The following NELL1 variants were observed in gnomAD, a reference collection of about 807,000 sequenced individuals.
NELL1 encodes protein kinase C-binding protein NELL1.
NELL1 carries 76 observed loss-of-function variants against 107.4 expected under a neutral mutation model. The ratio of observed to expected loss-of-function variants is 0.71; its 90% CI spans 0.59 to 0.86. NELL1 has a LOEUF of 0.86. NELL1 is among the 40% of genes least tolerant of loss of function. The probability of loss-of-function intolerance (pLI) is 0.00; values close to 1 mark genes in which losing one functional copy is unlikely to be tolerated. For missense variants in NELL1, 1,024 were observed against 1,005.5 expected, an observed-to-expected ratio of 1.02 and a Z score of -0.25; for synonymous variants, 353 against 341.2, an observed-to-expected ratio of 1.03 and a Z score of -0.38.
chr11:21,542,953 AAGG>A (rs1425967254), intron 16 of NELL1, among the ~76,000 whole-genome samples: 1 of 152,054 alleles, frequency 6.6e-6, no homozygotes, highest in African/African-American at 2.4e-5. Flanking sequence ...TCTAATTTAA[AAGG>A]AGGTTTCATT....
At chr11:21,430,987 G>T (rs1014622577) in intron 15 of NELL1, among the ~76,000 whole-genome samples, 4 of 152,012 alleles carry the variant, frequency 2.6e-5, no homozygotes, top group Admixed American at 2.6e-4. Flanking sequence ...AATGATTAGG[G>T]GAAAACTGTA....
chr11:21,347,273 C>CT (rs1290723797), intron 14 of NELL1, among the ~76,000 whole-genome samples: 1 of 151,832 alleles, frequency 6.6e-6, no homozygotes, highest in African/African-American at 2.4e-5. Flanking sequence ...TGTAAAGGCC[C>CT]TAAAGTGGAA....
At chr11:20,744,607 C>A (rs1176143622) in intron 2 of NELL1, among the ~76,000 whole-genome samples, 8 of 152,154 alleles carry the variant, frequency 5.3e-5, no homozygotes, top group Admixed American at 5.2e-4. Flanking sequence ...TTCTGGAGCC[C>A]AGAATGATGG....
intron 14 of NELL1, among the ~76,000 whole-genome samples, chr11:21,247,627 C>A (rs530883851): frequency 6.6e-6 from 1 of 152,096 alleles, no homozygotes; most frequent in African/African-American, 2.4e-5. Context: ...GAAGGACCTA[C>A]GTGGGGTATT....
At chr11:21,209,785 A>G (rs1174978736) in intron 13 of NELL1, among the ~76,000 whole-genome samples, 1 of 152,156 alleles carries the variant, frequency 6.6e-6, no homozygotes, top group East Asian at 1.9e-4. Flanking sequence ...ACTAGAATAA[A>G]AAAAAGAAGC....
chr11:20,674,651 T>C, intron 1 of NELL1: 1 of 836,842 alleles, frequency 1.2e-6, no homozygotes, highest in Admixed American at 2.1e-5. Flanking sequence ...GGCACAGGGT[T>C]AGTAGAGGGA....
At chr11:20,899,299 A>T (rs1849820817) in intron 5 of NELL1, among the ~76,000 whole-genome samples, 2 of 152,174 alleles carry the variant, frequency 1.3e-5, no homozygotes, top group Admixed American at 1.3e-4. Context: ...CTCTGATGAC[A>T]GTGCAGTTAC....
chr11:21,566,489 C>G (rs540574345), intron 17 of NELL1, among the ~76,000 whole-genome samples: 9 of 151,722 alleles, frequency 5.9e-5, no homozygotes, highest in African/African-American at 2.2e-4. Flanking sequence ...TATTTCCCTG[C>G]TTTTTAAAAT....
intron 15 of NELL1, among the ~76,000 whole-genome samples, chr11:21,392,558 G>T (rs1225886496): frequency 6.6e-6 from 1 of 151,566 alleles, no homozygotes; most frequent in Admixed American, 6.6e-5. Flanking sequence ...GAAAAGTAGG[G>T]GTAAATATGA....
chr11:20,812,193 A>T (rs540847053), intron 3 of NELL1, among the ~76,000 whole-genome samples: 1 of 152,298 alleles, frequency 6.6e-6, no homozygotes, highest in African/African-American at 2.4e-5. Context: ...TATTGAGATG[A>T]TCATATTTTT....
At chr11:20,889,770 G>A (rs373784225) in intron 5 of NELL1, among the ~76,000 whole-genome samples, 4 of 152,264 alleles carry the variant, frequency 2.6e-5, no homozygotes, top group South Asian at 2.1e-4. Context: ...AGAGCCACAC[G>A]GGAAAGGGGA....
chr11:20,969,776 G>A (rs1242805186), intron 12 of NELL1, among the ~76,000 whole-genome samples: 1 of 151,914 alleles, frequency 6.6e-6, no homozygotes, highest in Admixed American at 6.6e-5. Context: ...GTGTGTTTTG[G>A]TTTCTTTCAT....
chr11:20,878,145 G>T (rs1221975331), intron 4 of NELL1, among the ~76,000 whole-genome samples: 1 of 151,948 alleles, frequency 6.6e-6, no homozygotes, highest in Non-Finnish European at 1.5e-5. Context: ...TGGATCATGA[G>T]GTCAGGAGAT....
intron 12 of NELL1, among the ~76,000 whole-genome samples, chr11:20,980,023 A>G (rs1383028656): frequency 6.6e-6 from 1 of 152,198 alleles, no homozygotes; most frequent in Non-Finnish European, 1.5e-5. Context: ...TACATGGTAC[A>G]TTGGTCAGGA....
At chr11:20,704,070 T>G (rs755225747) in intron 2 of NELL1, among the ~76,000 whole-genome samples, 1 of 152,186 alleles carries the variant, frequency 6.6e-6, no homozygotes, top group African/African-American at 2.4e-5. Flanking sequence ...GTTAACTCTC[T>G]GTCTTGCTGA....
rs552700256 is a variant in NELL1 at position 21,146,581 on chromosome 11, G to T, written c.1426+32867G>T. On this transcript the variant is annotated intron_variant, in intron 13 of 19. Coordinates refer to ENST00000357134, the MANE Select transcript of NELL1 (RefSeq NM_006157.5). Reference sequence around the variant, plus strand: ...TCTCTCTCCTCCTGCCCTTTATCTGGAAGCCAGCCAACAGGGCCCTCCAGG... The same window carrying T: ...TCTCTCTCCTCCTGCCCTTTATCTGTAAGCCAGCCAACAGGGCCCTCCAGG... 4.1e-4 allele frequency among the ~76,000 whole-genome samples: 63 copies of T among 152,286 alleles called. 1 individual carries two copies. In the South Asian group the frequency reaches 0.013, roughly 31 times the overall value.
chr11:20,882,459 A>T (rs536232324), intron 4 of NELL1, among the ~76,000 whole-genome samples: 2 of 152,346 alleles, frequency 1.3e-5, no homozygotes, highest in East Asian at 3.9e-4. Flanking sequence ...GAAAACTTAT[A>T]GGAGTGATAC....
chr11:21,327,296 G>T (rs1268537296), intron 14 of NELL1, among the ~76,000 whole-genome samples: 1 of 151,250 alleles, frequency 6.6e-6, no homozygotes, highest in Non-Finnish European at 1.5e-5. Flanking sequence ...GTATACATAT[G>T]TAACTAACCT....
intron 13 of NELL1, among the ~76,000 whole-genome samples, chr11:21,192,075 A>G (rs1370207447): frequency 6.6e-6 from 1 of 151,834 alleles, no homozygotes; most frequent in East Asian, 1.9e-4. Flanking sequence ...AAGATATTCT[A>G]TTTTTATAGC....
Sources: gnomAD v4.1 joint callset for allele counts (sites outside exome capture counted in the v4.1 genomes callset) on GRCh38, gnomAD v4.1.1 for gene constraint, MANE v1.5 for transcripts, NCBI Gene and HGNC (gene_info 2026-07-23, HGNC 2026-07-21) for gene names.